The following ILDR2 variants were observed in gnomAD, a reference collection of about 807,000 sequenced individuals.
ILDR2 encodes immunoglobulin-like domain-containing receptor 2.
ILDR2 carries 25 observed loss-of-function variants against 66.8 expected under a neutral mutation model. The ratio of observed to expected loss-of-function variants is 0.37; its 90% CI spans 0.27 to 0.52. The LOEUF (loss-of-function observed/expected upper bound fraction) is 0.52, where lower values mean the gene tolerates loss of function less well. Ranked by LOEUF, ILDR2 falls within the 20% of genes least tolerant of loss-of-function variation. The pLI is 0.88. For synonymous variants in ILDR2, 367 were observed against 357.2 expected (o/e 1.03, Z -0.31); for missense variants, 827 against 876.8 (o/e 0.94, Z 0.72).
In ILDR2 at chr1:166,918,234, T is replaced by C. The variant is rs919563603; in HGVS notation, c.*1121A>G. On this transcript the variant is annotated 3_prime_UTR_variant, in exon 10 of 10. Transcript: ENST00000271417. ...CTTGAAAGCAGCCATAGTGGCAGTC[T>C]AGTCAGGCCAAATGCTGTATGTTCC... 5 of 152,164 alleles carry C rather than the reference T, an allele frequency of 3.3e-5. No individual in the cohort carries two copies. The highest frequency in any genetic ancestry group is 7.2e-5 in the African/African-American group (3 of 41,424). The allele number at this position is 152,164 out of a possible 1,614,324, so 9.4% of individuals were successfully genotyped here.
At chr1:166,924,005 C>G (rs1468038535) in intron 7 of ILDR2, among the ~76,000 whole-genome samples, 2 of 148,586 alleles carry the variant, frequency 1.3e-5, no homozygotes, top group Non-Finnish European at 3.0e-5. Context: ...CTACTTTCCC[C>G]CCTTGCTATC....
At chr1:166,961,138 T>C (rs1301725577) in intron 1 of ILDR2, among the ~76,000 whole-genome samples, 2 of 152,224 alleles carry the variant, frequency 1.3e-5, no homozygotes, top group Non-Finnish European at 1.5e-5. Context: ...GTTCAAGGAG[T>C]ACATGTGCAG....
intron 9 of ILDR2, among the ~76,000 whole-genome samples, chr1:166,920,457 A>G (rs1295640651): frequency 6.6e-6 from 1 of 152,172 alleles, no homozygotes; most frequent in Non-Finnish European, 1.5e-5. Flanking sequence ...CACGCCTTCA[A>G]CTTTCTGCCT....
rs1407148071 is a variant in ILDR2, at chr1:166,935,284, T to C, written c.880+17A>G. ...CCCGAGACAAGCATGGGCAGGGCAGTCTGGAACTACATTTACCACTGTGGC... is the reference window on the plus strand; with the variant it reads ...CCCGAGACAAGCATGGGCAGGGCAGCCTGGAACTACATTTACCACTGTGGC... On this transcript the variant is annotated intron_variant, in intron 6 of 9. Coordinates refer to ENST00000271417, the MANE Select transcript of ILDR2 (RefSeq NM_199351.3). 9 of 1,613,690 alleles carry C rather than the reference T, an allele frequency of 5.6e-6. No individual in the cohort carries two copies. In the African/African-American group the frequency reaches 1.2e-4, roughly 22 times the overall value.
At chr1:166,944,203 T>C (rs941164116) in intron 3 of ILDR2, among the ~76,000 whole-genome samples, 1 of 152,256 alleles carries the variant, frequency 6.6e-6, no homozygotes, top group African/African-American at 2.4e-5. Flanking sequence ...AGTTGTTTTC[T>C]GCCACTGCCA....
At position 166,935,356 on chromosome 1, in the gene ILDR2, GT is replaced by G; in HGVS notation, c.824del (p.Asp275AlafsTer35). On this transcript the variant is annotated frameshift_variant, in exon 6 of 10. Coordinates refer to ENST00000271417, the MANE Select transcript of ILDR2 (RefSeq NM_199351.3). LOFTEE classifies it high-confidence loss of function. ...GTGCCAAGGGAGGTGGATGCGGCTT[GT>G]CCATCAGCATGCCAGATGAGGGGGC... ...GGAPSSGMLMDKPHPPPLAPS... is the reference protein window; with the variant it reads ...GGAPSSGMLMXKPHPPPLAPS... 1 of 1,612,226 alleles carries G rather than the reference GT, an allele frequency of 6.2e-7. No individual in the cohort carries two copies. The highest frequency in any genetic ancestry group is 8.5e-7 in the Non-Finnish European group (1 of 1,179,512).
chr1:166,973,449 G>T (rs936238085), intron 1 of ILDR2, among the ~76,000 whole-genome samples: 3 of 152,084 alleles, frequency 2.0e-5, no homozygotes, highest in African/African-American at 7.2e-5. Context: ...TACAGTTCCT[G>T]TAGTACCCTC....
intron 3 of ILDR2, among the ~76,000 whole-genome samples, chr1:166,949,779 C>A (rs1384811886): frequency 6.6e-6 from 1 of 152,158 alleles, no homozygotes; most frequent in Non-Finnish European, 1.5e-5. Context: ...CCCTTCAATG[C>A]ATTTTTTTTC....
chr1:166,896,915 G>T (rs1427258282), intron 2 of ILDR2, among the ~76,000 whole-genome samples: 2 of 152,190 alleles, frequency 1.3e-5, no homozygotes, highest in Non-Finnish European at 2.9e-5. Flanking sequence ...GATTACAGGT[G>T]TGAGCCACCA....
At chr1:166,927,241 C>A in intron 6 of ILDR2, 61 bp from the exon 7 acceptor site, 1 of 1,051,570 alleles carries the variant, frequency 9.5e-7, no homozygotes, top group Non-Finnish European at 1.4e-6. Context: ...AAGGAGGCCT[C>A]CATTTATTTT....
Position 166,951,142 on chromosome 1 carries a change from G to A in ILDR2, c.499+5591C>T, listed in dbSNP as rs375574242. Among the ~76,000 whole-genome samples, 172 of 152,256 alleles carry A rather than the reference G, an allele frequency of 1.1e-3. 3 individuals are homozygous for A. Among genetic ancestry groups the A allele is most frequent in the African/African-American group, 3.9e-3 (164 of 41,540 alleles). ...AGTTCATAGGTTCAGTTGGGGTTGG[G>A]TGGTATACTACAGTCCTCTCACACA... On this transcript the variant is annotated intron_variant, in intron 3 of 9. Coordinates refer to ENST00000271417, the MANE Select transcript of ILDR2 (RefSeq NM_199351.3).
rs1661020291 is a variant in ILDR2, at chr1:166,936,951, G to A, written c.557-214C>T. Among the ~76,000 whole-genome samples, 1 of 152,132 alleles carries A rather than the reference G, an allele frequency of 6.6e-6. No individual in the cohort carries two copies. The highest frequency in any genetic ancestry group is 2.4e-5 in the African/African-American group (1 of 41,390). On this transcript the variant is annotated intron_variant, in intron 4 of 9. Coordinates refer to ENST00000271417, the MANE Select transcript of ILDR2 (RefSeq NM_199351.3). This position sits in a 1 kb window ranked among gnomAD's most constrained non-coding sequence, Gnocchi z 5.0. ...CCGGGGAATGGAGAAGAGGGAAGAA[G>A]GTTATCTATGTTACATTGGGTACAT...
At chr1:166,963,936 CTTGAG>C (rs1662776814) in intron 1 of ILDR2, among the ~76,000 whole-genome samples, 1 of 152,084 alleles carries the variant, frequency 6.6e-6, no homozygotes. Flanking sequence ...CCATATGGGA[CTTGAG>C]TTTCAAACTC....
intron 7 of ILDR2, 58 bp from the exon 8 acceptor site, chr1:166,922,867 A>ATTCTCTTCCTGTCT: frequency 6.9e-7 from 1 of 1,455,724 alleles, no homozygotes; most frequent in South Asian, 1.1e-5. Flanking sequence ...TTTAGACAGG[A>ATTCTCTTCCTGTCT]AGAGAATCCT....
intron 2 of ILDR2, among the ~76,000 whole-genome samples, chr1:166,897,806 T>C (rs576660189): frequency 5.1e-4 from 78 of 152,364 alleles, no homozygotes; most frequent in African/African-American, 1.7e-3. Flanking sequence ...TAGCCCTGAT[T>C]TGTACCTTGA....
intron 4 of ILDR2, 66 bp downstream of exon 4, chr1:166,939,448 A>G (rs1343554313): frequency 1.5e-6 from 2 of 1,311,290 alleles, no homozygotes; most frequent in Non-Finnish European, 2.2e-6. Flanking sequence ...ATTAGCGACT[A>G]ATGCAGAAGC....
intron 3 of ILDR2, among the ~76,000 whole-genome samples, chr1:166,942,466 T>A (rs1432742246): frequency 6.6e-6 from 1 of 152,212 alleles, no homozygotes; most frequent in African/African-American, 2.4e-5. Context: ...TTTTTCAATA[T>A]TTTCCAGGCC....
intron 1 of ILDR2, among the ~76,000 whole-genome samples, chr1:166,965,739 A>AT (rs77159878): frequency 0.012 from 1,686 of 144,860 alleles, 15 homozygotes; most frequent in Admixed American, 0.016. Flanking sequence ...TGCCCAGCTA[A>AT]TTTTTTTTTT....
chr1:166,963,614 G>A (rs759445184), intron 1 of ILDR2, among the ~76,000 whole-genome samples: 25 of 152,140 alleles, frequency 1.6e-4, no homozygotes, highest in Non-Finnish European at 2.5e-4. Context: ...CATCAATCAT[G>A]TCAGTTCCTG....
Sources: allele counts gnomAD v4.1 joint callset (sites outside exome capture counted in the v4.1 genomes callset), GRCh38; gene constraint gnomAD v4.1.1; non-coding constraint Gnocchi (gnomAD v3.1); transcripts MANE v1.5; gene names NCBI Gene and HGNC (gene_info 2026-07-23, HGNC 2026-07-21).